The following ADAMTSL1 variants were observed in gnomAD, a reference collection of about 807,000 sequenced individuals.
ADAMTSL1 encodes the protein ADAMTS-like protein 1.
A neutral mutation model predicts 201.8 loss-of-function variants in ADAMTSL1; 126 were observed. The ratio of observed to expected loss-of-function variants is 0.62; its 90% confidence interval spans 0.54 to 0.72. The LOEUF (loss-of-function observed/expected upper bound fraction) is 0.72. Ranked by LOEUF, ADAMTSL1 falls within the 30% of genes least tolerant of loss-of-function variation. The pLI, the probability that ADAMTSL1 is intolerant of heterozygous loss-of-function variation, is 0.00. For synonymous variants in ADAMTSL1, 1,121 were observed against 903.4 expected (o/e 1.24, Z -4.32); for missense variants, 2,679 against 2,277.8 (o/e 1.18, Z -3.59).
chr9:18,834,214 T>C (rs2131283085), intron 23 of ADAMTSL1, among the ~76,000 whole-genome samples: 1 of 152,320 alleles, frequency 6.6e-6, no homozygotes, highest in African/African-American at 2.4e-5. Context: ...TTTTTCCTAG[T>C]TCTGTGAAAA....
At chr9:18,063,893 G>C (rs1429426206) in intron 1 of ADAMTSL1, among the ~76,000 whole-genome samples, 2 of 152,078 alleles carry the variant, frequency 1.3e-5, no homozygotes, top group Admixed American at 6.5e-5. Context: ...TCCTTTATGA[G>C]TGGGTGTTCT....
chr9:18,381,593 C>G (rs1837556879), intron 2 of ADAMTSL1, among the ~76,000 whole-genome samples: 1 of 152,076 alleles, frequency 6.6e-6, no homozygotes, highest in Non-Finnish European at 1.5e-5. Context: ...GAAGCCTTCA[C>G]TTGGAGAAGA....
chr9:18,909,763 T>A lies in ADAMTSL1; in HGVS notation c.*1215T>A, dbSNP rs567535000. 1 of 152,258 alleles carries A rather than the reference T, an allele frequency of 6.6e-6. No individual in the cohort carries two copies. Among genetic ancestry groups the A allele is most frequent in the East Asian group, 1.9e-4 (1 of 5,176 alleles). 9.4% of individuals were successfully genotyped at this position (152,258 alleles called of 1,614,324 possible). A position where few individuals can be genotyped will look rare whatever the true frequency, so the allele number is the denominator to read the frequency against. ...GCGTGTCCACAGTACACCCTCCCTC[T>A]CCCAGCCTCCACCCCAGGGTCTGCA... On this transcript the variant is annotated 3_prime_UTR_variant, in exon 29 of 29. Coordinates refer to ENST00000380548, the MANE Select transcript of ADAMTSL1 (RefSeq NM_001040272.6).
chr9:18,844,915 G>T (rs2131340118), intron 23 of ADAMTSL1, among the ~76,000 whole-genome samples: 1 of 152,278 alleles, frequency 6.6e-6, no homozygotes, highest in East Asian at 1.9e-4. Flanking sequence ...GGGTGGGAGT[G>T]ACCCGATTTT....
chr9:17,914,103 C>G (rs1447698547), intron 1 of ADAMTSL1, among the ~76,000 whole-genome samples: 2 of 151,982 alleles, frequency 1.3e-5, no homozygotes, highest in African/African-American at 2.4e-5. Context: ...CAAGGAAGAA[C>G]TGGTACCATT....
intron 1 of ADAMTSL1, among the ~76,000 whole-genome samples, chr9:18,087,766 A>C (rs1823829760): frequency 6.6e-6 from 1 of 152,172 alleles, no homozygotes. Flanking sequence ...TTTAAGTAGA[A>C]GAAACTAAGC....
chr9:18,709,814 T>G (rs1463434893), intron 14 of ADAMTSL1, among the ~76,000 whole-genome samples: 1 of 152,154 alleles, frequency 6.6e-6, no homozygotes, highest in Non-Finnish European at 1.5e-5. Context: ...AAATCCACGT[T>G]AAAATCTAGC....
At chr9:17,907,778 C>T (rs1245462133) in intron 1 of ADAMTSL1, among the ~76,000 whole-genome samples, 1 of 152,150 alleles carries the variant, frequency 6.6e-6, no homozygotes, top group Admixed American at 6.5e-5. Flanking sequence ...CCTGCGGTTC[C>T]TTGGTTTTCA....
intron 4 of ADAMTSL1, among the ~76,000 whole-genome samples, chr9:18,600,050 C>G (rs1044357751): frequency 6.6e-6 from 1 of 150,384 alleles, no homozygotes; most frequent in South Asian, 2.1e-4. Flanking sequence ...GGTCTGTACT[C>G]CAATACAGCA....
rs958746523 is a variant in ADAMTSL1 at position 18,802,532 on chromosome 9, G to A, written c.3805+7008G>A. ...AAAGTTTTCAAGATTTATCCATGTCGTAGCATTATTCTTGTTTATGGTAGA... is the reference window on the plus strand; with the variant it reads ...AAAGTTTTCAAGATTTATCCATGTCATAGCATTATTCTTGTTTATGGTAGA... On this transcript the variant is annotated intron_variant, in intron 20 of 28. Transcript: ENST00000380548. Among the ~76,000 whole-genome samples, 14 of 152,074 alleles carry A rather than the reference G, an allele frequency of 9.2e-5. 1 individual carries two copies. Among genetic ancestry groups the A allele is most frequent in the Admixed American group, 6.5e-4 (10 of 15,274 alleles).
chr9:18,419,186 A>G (rs1247339874), intron 2 of ADAMTSL1, among the ~76,000 whole-genome samples: 1 of 152,238 alleles, frequency 6.6e-6, no homozygotes, highest in Admixed American at 6.5e-5. Context: ...TACCTTATGC[A>G]AAAATTAACT....
intron 1 of ADAMTSL1, among the ~76,000 whole-genome samples, chr9:18,040,985 GATTA>G (rs1256945452): frequency 4.6e-5 from 7 of 152,232 alleles, no homozygotes; most frequent in East Asian, 1.9e-4. Context: ...TTTCTCAAGT[GATTA>G]ATTAGTAGGA....
At chr9:18,740,098 T>G (rs1330704611) in intron 15 of ADAMTSL1, among the ~76,000 whole-genome samples, 1 of 152,192 alleles carries the variant, frequency 6.6e-6, no homozygotes, top group Non-Finnish European at 1.5e-5. Flanking sequence ...ATTGGTTTCA[T>G]GGTCTGCTTA....
At chr9:18,435,701 C>G (rs1819699795) in intron 2 of ADAMTSL1, among the ~76,000 whole-genome samples, 1 of 152,136 alleles carries the variant, frequency 6.6e-6, no homozygotes, top group Non-Finnish European at 1.5e-5. Context: ...AAGACATACC[C>G]AAGATTGAGC....
chr9:18,481,834 A>G (rs894053429), intron 1 of ADAMTSL1, among the ~76,000 whole-genome samples: 4 of 152,156 alleles, frequency 2.6e-5, no homozygotes, highest in African/African-American at 7.2e-5. Flanking sequence ...GGGAAAAACT[A>G]TTTTCAAGAT....
At chr9:18,507,690 C>A (rs779346989) in intron 2 of ADAMTSL1, among the ~76,000 whole-genome samples, 2 of 152,120 alleles carry the variant, frequency 1.3e-5, no homozygotes, top group Non-Finnish European at 2.9e-5. Context: ...CAAAACAAGG[C>A]ATGCGTATAC....
At chr9:18,397,511 C>A (rs556930466) in intron 2 of ADAMTSL1, among the ~76,000 whole-genome samples, 6 of 152,034 alleles carry the variant, frequency 3.9e-5, no homozygotes, top group African/African-American at 1.4e-4. Context: ...AATGAACAAA[C>A]AAAACCACCG....
chr9:18,718,278 A>G (rs988708231), intron 14 of ADAMTSL1: 5 of 758,290 alleles, frequency 6.6e-6, no homozygotes, highest in Non-Finnish European at 1.2e-5. Context: ...CTGTGCTTTG[A>G]TGGAATAAAC....
intron 1 of ADAMTSL1, among the ~76,000 whole-genome samples, chr9:18,126,094 C>G (rs1399737180): frequency 6.6e-6 from 1 of 152,166 alleles, no homozygotes; most frequent in African/African-American, 2.4e-5. Flanking sequence ...GTCTAGTTTT[C>G]TCATCCTTAA....
Sources: gnomAD v4.1 joint callset for allele counts (sites outside exome capture counted in the v4.1 genomes callset) on GRCh38, gnomAD v4.1.1 for gene constraint, MANE v1.5 for transcripts, NCBI Gene and HGNC (gene_info 2026-07-23, HGNC 2026-07-21) for gene names.